The following MYH6 variants were observed in gnomAD, a reference collection of about 807,000 sequenced individuals.
MYH6 encodes myosin-6.
MYH6 carries 126 observed loss-of-function variants against 223.2 expected under a neutral mutation model. That is an observed-to-expected ratio of 0.56 (90% CI 0.49 to 0.65). MYH6 has a LOEUF of 0.65. Ranked by LOEUF, MYH6 falls within the 30% of genes least tolerant of loss-of-function variation. MYH6 has a pLI of 0.00. For missense variants in MYH6, 2,040 were observed against 2,536.4 expected, an observed-to-expected ratio of 0.80 and a Z score of 4.20; for synonymous variants, 978 against 1,010.2, an observed-to-expected ratio of 0.97 and a Z score of 0.61.
chr14:23,392,828 GGCCAGTGGAGGCGCA>G, intron 24 of MYH6, 69 bp downstream of exon 24: 1 of 1,578,676 alleles, frequency 6.3e-7, no homozygotes, highest in Non-Finnish European at 8.7e-7. Context: ...AGGCAACTGT[GGCCAGTGGAGGCGCA>G]GCACCCTGCA....
Position 23,389,006 on chromosome 14 carries a change from T to C in MYH6, c.4028A>G (p.Asp1343Gly). The C allele has an allele frequency of 6.2e-7, 1 of 1,603,932 alleles. No individual in the cohort carries two copies. The highest frequency in any genetic ancestry group is 8.5e-7 in the Non-Finnish European group (1 of 1,174,990). ...CTCCTCGTACTGCTCCCGCAGCAGG[T>C]CGCAGTCATGCCGGGCCGACTGCAG... ...HALQSARHDC[D>G]LLREQYEEET... The change falls in exon 29 of 39, where the codon GAC becomes GGC. Residue 1343 changes from aspartate to glycine, a missense_variant. By Grantham distance (94) the Asp-to-Gly change is moderately conservative. Coordinates refer to ENST00000405093, the MANE Select transcript of MYH6 (RefSeq NM_002471.4).
intron 37 of MYH6, 89 bp downstream of exon 37, chr14:23,383,136 T>C (rs1890908390): frequency 3.4e-6 from 4 of 1,191,912 alleles, no homozygotes; most frequent in Middle Eastern, 5.4e-4. Flanking sequence ...TAGCAAACTC[T>C]TTGTCCAGGC....
intron 13 of MYH6, 71 bp from the exon 14 acceptor site, chr14:23,400,497 A>G (rs1003538973): frequency 5.6e-6 from 9 of 1,611,696 alleles, no homozygotes; most frequent in Admixed American, 5.0e-5. Context: ...GTGCCCGTGC[A>G]CTGTGCCGAG....
Position 23,407,243 on chromosome 14 carries a change from C to G in MYH6, c.-13-7G>C, listed in dbSNP as rs750343157. 6 of 1,614,066 alleles carry G rather than the reference C, an allele frequency of 3.7e-6. No homozygotes were observed. Among genetic ancestry groups the G allele is most frequent in the Non-Finnish European group, 5.1e-6 (6 of 1,180,028 alleles). ...GGTCATCTTGGTGCTTCCCCTGGGT[C>G]AGAGACAGGAGGGCTATGTTACTCC... On this transcript the variant is annotated splice_region_variant and splice_polypyrimidine_tract_variant and intron_variant, in intron 2 of 38. Coordinates refer to ENST00000405093, the MANE Select transcript of MYH6 (RefSeq NM_002471.4). The surrounding 1 kb of genome is among the most constrained non-coding windows in gnomAD (Gnocchi z 5.6).
Position 23,392,552 on chromosome 14 carries a change from A to C in MYH6, c.3342+10T>G, listed in dbSNP as rs552662475. On this transcript the variant is annotated intron_variant, in intron 25 of 38. Transcript: ENST00000405093. ...AGCTCCCACTTTCATGCACTGGGAA[A>C]AAAAGTCACCTGGTTTTCCTTCAGT... 4 of 1,606,462 alleles carry C rather than the reference A, an allele frequency of 2.5e-6. No homozygotes were observed. The Admixed American group carries it at 6.7e-5, about 27-fold the overall frequency.
In MYH6 at chr14:23,388,585, G is replaced by A. The variant is rs553862634; in HGVS notation, c.4176-247C>T. 44 of 852,988 alleles carry A rather than the reference G, an allele frequency of 5.2e-5. No homozygotes were observed. The East Asian group carries it at 7.7e-4, about 15-fold the overall frequency. 52.8% of individuals were successfully genotyped at this position (852,988 alleles called of 1,614,324 possible). On this transcript the variant is annotated intron_variant, in intron 29 of 38. Coordinates refer to ENST00000405093, the MANE Select transcript of MYH6 (RefSeq NM_002471.4). ...TCACCCCCCACACAGGCTGATCGAC[G>A]GTAGCTCCTCTGACCAACAAGCTTT... is the stretch of plus-strand genomic sequence containing the variant.
chr14:23,394,209 C>T lies in MYH6; in HGVS notation c.2544G>A (p.Glu848=), dbSNP rs2138599799. The T allele has an allele frequency of 2.5e-6, 4 of 1,614,250 alleles. No homozygotes were observed. The highest frequency in any genetic ancestry group is 1.6e-4 in the Middle Eastern group (1 of 6,062). Residue 848 remains glutamate, a synonymous_variant, in exon 21 of 39, where the codon GAG becomes GAA. Coordinates refer to ENST00000405093, the MANE Select transcript of MYH6 (RefSeq NM_002471.4). Reference sequence around the variant, plus strand: ...CTTCCTTCATGGTGGCCATCTCCTTCTCCGTCTCTGCGCTCTTCAGCAGCG... The same window carrying T: ...CTTCCTTCATGGTGGCCATCTCCTTTTCCGTCTCTGCGCTCTTCAGCAGCG... ...IKPLLKSAET[E]KEMATMKEEF...
rs771879878 is a variant in MYH6, at chr14:23,393,700, T to G, written c.2894A>C (p.Lys965Thr). Reference sequence around the variant, plus strand: ...TGTTGCATGCTTCTCCTTCTCCACCTTGGCCAGTGTCAGCTCCAGGTCATC... The same window carrying G: ...TGTTGCATGCTTCTCCTTCTCCACCGTGGCCAGTGTCAGCTCCAGGTCATC... Reference protein sequence around the residue: ...DIDDLELTLAKVEKEKHATEN... With the variant: ...DIDDLELTLATVEKEKHATEN... Residue 965 changes from lysine (K) to threonine (T), a missense_variant, in exon 22 of 39, where the codon AAG becomes ACG. Physicochemically the swap from Lys to Thr is moderately conservative, Grantham distance 78. Around this residue, in one of 4 missense-constraint regions of MYH6, gnomAD observed 1,203 missense variants for 1,400.2 expected, o/e 0.86. Transcript: ENST00000405093. The G allele has an allele frequency of 5.0e-6, 8 of 1,614,198 alleles. No individual in the cohort carries two copies. In the East Asian group the frequency reaches 1.6e-4, roughly 31 times the overall value.
At chr14:23,406,987 T>G in intron 3 of MYH6, 36 bp downstream of exon 3, 1 of 1,606,494 alleles carries the variant, frequency 6.2e-7, no homozygotes, top group Non-Finnish European at 8.5e-7. Context: ...TTCCCAGACC[T>G]CCTTCCCTTC....
intron 3 of MYH6, among the ~76,000 whole-genome samples, chr14:23,406,397 G>A (rs1891788802): frequency 6.6e-6 from 1 of 152,210 alleles, no homozygotes; most frequent in Non-Finnish European, 1.5e-5. Flanking sequence ...GCAGAGCTGG[G>A]ATCAGAGTCA....
chr14:23,395,334 G>A (rs1016877510), intron 20 of MYH6, among the ~76,000 whole-genome samples: 2 of 152,138 alleles, frequency 1.3e-5, no homozygotes, highest in African/African-American at 4.8e-5. Flanking sequence ...TCTTTTCACT[G>A]TTTTATAATA....
chr14:23,403,282 G>T, intron 10 of MYH6, 66 bp downstream of exon 10: 8 of 1,352,302 alleles, frequency 5.9e-6, no homozygotes, highest in Non-Finnish European at 8.5e-6. Flanking sequence ...GCCCTGCCCT[G>T]CATGCAGGAG....
At chr14:23,384,384 C>G (rs1890951483) in intron 36 of MYH6, 58 bp downstream of exon 36, 2 of 1,601,498 alleles carry the variant, frequency 1.2e-6, no homozygotes, top group Non-Finnish European at 1.7e-6. Flanking sequence ...GAGGGCGGGG[C>G]AGTGGGGCCA....
At chr14:23,406,883 C>A in intron 3 of MYH6, 140 bp downstream of exon 3, 1 of 962,664 alleles carries the variant, frequency 1.0e-6, no homozygotes, top group East Asian at 2.4e-5. Context: ...ATTCTGGGCT[C>A]CTCAAAGGAG....
intron 25 of MYH6, among the ~76,000 whole-genome samples, chr14:23,391,716 A>T (rs1326473442): frequency 1.3e-5 from 2 of 152,196 alleles, no homozygotes; most frequent in African/African-American, 4.8e-5. Flanking sequence ...AGACCTGGCC[A>T]TGTAGCTTCT....
intron 26 of MYH6, 90 bp from the exon 27 acceptor site, chr14:23,389,809 G>A (rs1891175910): frequency 6.2e-7 from 1 of 1,600,922 alleles, no homozygotes; most frequent in Non-Finnish European, 8.6e-7. Context: ...GAATGCCAGA[G>A]GGCAGGAGGG....
At chr14:23,401,434 T>C (rs1420324056) in intron 12 of MYH6, among the ~76,000 whole-genome samples, 2 of 152,258 alleles carry the variant, frequency 1.3e-5, no homozygotes, top group Non-Finnish European at 2.9e-5. Flanking sequence ...AGGGCTTGCC[T>C]TGGTTACTCA....
intron 36 of MYH6, 86 bp downstream of exon 36, chr14:23,384,356 A>G: frequency 3.2e-6 from 5 of 1,581,704 alleles, no homozygotes; most frequent in Non-Finnish European, 4.3e-6. Flanking sequence ...CTCAAGGAGG[A>G]GGTGAGAGGA....
chr14:23,396,037 G>A (rs971365686), intron 20 of MYH6, among the ~76,000 whole-genome samples: 8 of 151,474 alleles, frequency 5.3e-5, no homozygotes, highest in African/African-American at 1.9e-4. Context: ...AGCAAGCAAA[G>A]TCTAGTGTTT....
Sources: allele counts gnomAD v4.1 joint callset (sites outside exome capture counted in the v4.1 genomes callset), GRCh38; gene constraint gnomAD v4.1.1; regional missense constraint gnomAD v4.1.1; non-coding constraint Gnocchi (gnomAD v3.1); transcripts MANE v1.5; gene names NCBI Gene and HGNC (gene_info 2026-07-23, HGNC 2026-07-21).